The following PACRG variants were observed in gnomAD, a reference collection of about 807,000 sequenced individuals.
PACRG encodes the protein parkin coregulated, also known as parkin coregulated gene protein.
A neutral mutation model predicts 29.7 loss-of-function variants in PACRG; 29 were observed. That is an observed-to-expected ratio of 0.98 (90% CI 0.73 to 1.33). PACRG has a LOEUF of 1.33. Ranked by LOEUF, PACRG falls within the 40% of genes most tolerant of loss-of-function variation. PACRG has a pLI of 0.00. For missense variants in PACRG, 279 were observed against 316.2 expected (o/e 0.88, Z 0.89); for synonymous variants, 116 against 118.7 (o/e 0.98, Z 0.15).
chr6:163,133,967 A>G (rs1311888434), intron 4 of PACRG, among the ~76,000 whole-genome samples: 1 of 152,230 alleles, frequency 6.6e-6, no homozygotes, highest in Non-Finnish European at 1.5e-5. Flanking sequence ...TTCGTAACTT[A>G]TATATGTGCA....
In PACRG at chr6:163,259,591, G is replaced by A. The variant is rs1422860553; in HGVS notation, c.614-55236G>A. ...CCTCTTCGGCTCCACTGGTCATTTG[G>A]GCATCACTTCAGCCATCCAGACCCA... On this transcript the variant is annotated intron_variant, in intron 4 of 4. Transcript: ENST00000366888. Among the ~76,000 whole-genome samples, 3 of 152,062 alleles carry A rather than the reference G, an allele frequency of 2.0e-5. No individual in the cohort carries two copies. In the East Asian group the frequency reaches 5.8e-4, roughly 29 times the overall value.
At chr6:163,103,741 G>A (rs1290798561) in intron 4 of PACRG, among the ~76,000 whole-genome samples, 2 of 152,220 alleles carry the variant, frequency 1.3e-5, no homozygotes, top group Non-Finnish European at 2.9e-5. Context: ...ATGACTGGGA[G>A]CTTGAAGTAC....
In PACRG at chr6:163,262,217, A is replaced by C. The variant is rs113427178; in HGVS notation, c.614-52610A>C. Among the ~76,000 whole-genome samples the C allele has an allele frequency of 2.7e-3, 413 of 152,308 alleles. 3 individuals carry two copies. The highest frequency in any genetic ancestry group is 9.6e-3 in the African/African-American group (398 of 41,568). ...GTTACTCAGTAGTCCTGGCAGCTCT[A>C]CTGTACCATTCTGAATTTCAGAGAA... On this transcript the variant is annotated intron_variant, in intron 4 of 4. Coordinates refer to ENST00000366888, the MANE Select transcript of PACRG (RefSeq NM_001080379.2).
intron 2 of PACRG, among the ~76,000 whole-genome samples, chr6:163,009,433 T>C (rs1264786333): frequency 2.4e-4 from 36 of 152,252 alleles, no homozygotes; most frequent in Non-Finnish European, 1.5e-5. Flanking sequence ...CAATTTATCC[T>C]GTTAGCATCT....
intron 4 of PACRG, among the ~76,000 whole-genome samples, chr6:163,147,246 T>C (rs111975697): frequency 2.0e-5 from 3 of 152,342 alleles, no homozygotes; most frequent in African/African-American, 7.2e-5. Flanking sequence ...AAGGAAGCAA[T>C]ATGAGCATTA....
At chr6:163,246,869 G>C (rs534809684) in intron 4 of PACRG, among the ~76,000 whole-genome samples, 2 of 152,346 alleles carry the variant, frequency 1.3e-5, no homozygotes, top group East Asian at 3.9e-4. Context: ...ATTATCATGA[G>C]AAAGTAGGAA....
chr6:163,147,826 C>G (rs867791475), intron 4 of PACRG, among the ~76,000 whole-genome samples: 1 of 152,148 alleles, frequency 6.6e-6, no homozygotes, highest in Non-Finnish European at 1.5e-5. Context: ...CTCCCAGCCC[C>G]GGGGAAGATG....
At chr6:163,034,498 C>G (rs1462184891) in intron 2 of PACRG, among the ~76,000 whole-genome samples, 1 of 151,988 alleles carries the variant, frequency 6.6e-6, no homozygotes, top group Non-Finnish European at 1.5e-5. Flanking sequence ...GGTCAAGCAT[C>G]CGTGCCTTTT....
chr6:162,735,741 G>A (rs1025764003), intron 1 of PACRG, among the ~76,000 whole-genome samples: 11 of 151,988 alleles, frequency 7.2e-5, no homozygotes, highest in Non-Finnish European at 1.3e-4. Flanking sequence ...TCTTTTTAAA[G>A]TTACATACTT....
chr6:163,069,961 G>A (rs1395956175), intron 3 of PACRG, among the ~76,000 whole-genome samples: 3 of 152,140 alleles, frequency 2.0e-5, no homozygotes, highest in Admixed American at 6.5e-5. Context: ...AATACATCTG[G>A]CAGTAGACTA....
intron 4 of PACRG, among the ~76,000 whole-genome samples, chr6:163,308,844 T>A (rs1227463868): frequency 6.6e-6 from 1 of 152,072 alleles, no homozygotes; most frequent in Non-Finnish European, 1.5e-5. Context: ...ATGACATCAC[T>A]GCAACCCAAT....
intron 1 of PACRG, among the ~76,000 whole-genome samples, chr6:162,749,254 G>A (rs1246756748): frequency 6.6e-6 from 1 of 152,168 alleles, no homozygotes; most frequent in Admixed American, 6.5e-5. Flanking sequence ...TTGCATGGAT[G>A]TATGTTTATC....
At chr6:163,246,022 A>G (rs1341211519) in intron 4 of PACRG, among the ~76,000 whole-genome samples, 4 of 152,110 alleles carry the variant, frequency 2.6e-5, no homozygotes, top group African/African-American at 9.7e-5. Context: ...GATTGCTGCA[A>G]CGGCTTCTAA....
At chr6:163,200,307 T>C (rs1780643569) in intron 4 of PACRG, among the ~76,000 whole-genome samples, 1 of 152,170 alleles carries the variant, frequency 6.6e-6, no homozygotes, top group South Asian at 2.1e-4. Flanking sequence ...AATCAGGAAC[T>C]GGGACATTGG....
chr6:163,152,018 T>G (rs1315042063), intron 4 of PACRG, among the ~76,000 whole-genome samples: 1 of 152,212 alleles, frequency 6.6e-6, no homozygotes, highest in Non-Finnish European at 1.5e-5. Context: ...TGAACATAAA[T>G]GCCAAATTAC....
At chr6:163,227,725 G>A (rs559642098) in intron 4 of PACRG, among the ~76,000 whole-genome samples, 1 of 152,182 alleles carries the variant, frequency 6.6e-6, no homozygotes, top group Non-Finnish European at 1.5e-5. Flanking sequence ...CCTCATACAC[G>A]TTTGCAAGAC....
At position 163,272,517 on chromosome 6, in the gene PACRG, C is replaced by A. The variant is rs867113841; in HGVS notation, c.614-42310C>A. On this transcript the variant is annotated intron_variant, in intron 4 of 4. Coordinates refer to ENST00000366888, the MANE Select transcript of PACRG (RefSeq NM_001080379.2). ...TTTCTTGTAATAGCATTGACTATTT[C>A]CTATAGTAATAGCACTGTGTAATTC... Among the ~76,000 whole-genome samples the A allele has an allele frequency of 4.6e-5, 7 of 152,122 alleles. No homozygotes were observed. The South Asian group carries it at 1.5e-3, about 32-fold the overall frequency.
At position 163,062,262 on chromosome 6, in the gene PACRG, T is replaced by A; in HGVS notation, c.404T>A (p.Leu135Gln). 1 of 1,614,224 alleles carries A rather than the reference T, an allele frequency of 6.2e-7. No homozygotes were observed. Among genetic ancestry groups the A allele is most frequent in the South Asian group, 1.1e-5 (1 of 91,082 alleles). ...GCTCGGCAAGGAATCCACGACATGC[T>A]GGAACACGGTGGGAACAAGATCCTA... is the stretch of plus-strand genomic sequence containing the variant. The part of the protein sequence containing the change: ...FFARQGIHDM[L>Q]EHGGNKILPV... Residue 135 changes from leucine to glutamine, a missense_variant, in exon 3 of 5, where the codon CTG becomes CAG. Transcript: ENST00000366888.
chr6:162,964,087 G>A (rs1286185024), intron 2 of PACRG, among the ~76,000 whole-genome samples: 1 of 152,112 alleles, frequency 6.6e-6, no homozygotes, highest in Admixed American at 6.6e-5. Context: ...GTTGAGTAGG[G>A]TACTAGTAAT....
Sources: allele counts gnomAD v4.1 joint callset (sites outside exome capture counted in the v4.1 genomes callset), GRCh38; gene constraint gnomAD v4.1.1; transcripts MANE v1.5; gene names NCBI Gene and HGNC (gene_info 2026-07-23, HGNC 2026-07-21).